HLF: variants seen among roughly 807,000 people sequenced by gnomAD.
HLF encodes hepatic leukemia factor.
Under a neutral mutation model 22.6 loss-of-function variants are expected in HLF, and 3 were observed. The observed-to-expected ratio is 0.13, with a 90% CI of 0.06 to 0.34. The LOEUF (loss-of-function observed/expected upper bound fraction) is 0.34, where lower values mean the gene tolerates loss of function less well. Ranked by LOEUF, HLF falls within the 10% of genes least tolerant of loss-of-function variation. HLF has a pLI of 1.00. For missense variants in HLF, 299 were observed against 389.2 expected (o/e 0.77, Z 1.95); for synonymous variants, 151 against 151.8 (o/e 0.99, Z 0.04).
chr17:55,304,935 C>G (rs1904473590), intron 2 of HLF, among the ~76,000 whole-genome samples: 1 of 152,258 alleles, frequency 6.6e-6, no homozygotes, highest in Non-Finnish European at 1.5e-5. Context: ...TTCTGATGAA[C>G]TGAGCTACCT....
chr17:55,279,240 T>C (rs1370222069), intron 2 of HLF, among the ~76,000 whole-genome samples: 1 of 152,196 alleles, frequency 6.6e-6, no homozygotes, highest in Non-Finnish European at 1.5e-5. Context: ...TATTTAGTTA[T>C]TGGCTTCCTG....
rs992794431 is a variant in HLF at position 55,321,200 on chromosome 17, C to G, written c.*321C>G. ...CCCTCTCGCGGGTCTCCCATCCCCT[C>G]CCTCCTTCACTCCTGCCTCCTCAGC... On this transcript the variant is annotated 3_prime_UTR_variant, in exon 4 of 4. Coordinates refer to ENST00000226067, the MANE Select transcript of HLF (RefSeq NM_002126.5). 6.5e-6 allele frequency: 2 copies of G among 307,518 alleles called. No homozygotes were observed. The highest frequency in any genetic ancestry group is 9.1e-5 in the Admixed American group (2 of 21,956). The allele number at this position is 307,518 out of a possible 1,614,324, so 19.0% of individuals were successfully genotyped here.
chr17:55,289,004 T>C, intron 2 of HLF: 1 of 908,160 alleles, frequency 1.1e-6, no homozygotes, highest in Non-Finnish European at 1.3e-6. Context: ...AAGCTCCATG[T>C]TGGGTGTGGG....
At chr17:55,290,176 T>C (rs1388566144) in intron 2 of HLF, among the ~76,000 whole-genome samples, 1 of 152,214 alleles carries the variant, frequency 6.6e-6, no homozygotes, top group African/African-American at 2.4e-5. Flanking sequence ...CTGTACTCTA[T>C]GGAAAACAGT....
intron 2 of HLF, among the ~76,000 whole-genome samples, chr17:55,279,698 A>G (rs1474256573): frequency 6.6e-6 from 1 of 152,218 alleles, no homozygotes; most frequent in Non-Finnish European, 1.5e-5. Context: ...AACTGTGTAT[A>G]TATAAATTAA....
At chr17:55,307,666 C>T (rs1028746467) in intron 2 of HLF, among the ~76,000 whole-genome samples, 12 of 152,094 alleles carry the variant, frequency 7.9e-5, no homozygotes, top group African/African-American at 2.7e-4. Flanking sequence ...TGTCCAGCTG[C>T]TCAGTAGCTC....
chr17:55,265,522 C>G lies in HLF; in HGVS notation c.38C>G (p.Thr13Ser). The G allele has an allele frequency of 6.2e-7, 1 of 1,609,952 alleles. No homozygotes were observed. The part of the protein sequence containing the change: ...KMSRPLPLNP[T>S]FIPPPYGVLR... ...TCCCGACCGCTCCCCCTGAATCCCA[C>G]CTTTATCCCGCCTCCCTACGGCGTG... The change falls in exon 1 of 4, where the codon ACC becomes AGC. Residue 13 changes from threonine (T) to serine (S), a missense_variant. By Grantham distance (58) the Thr-to-Ser change is moderately conservative. Transcript: ENST00000226067.
chr17:55,287,467 C>A (rs540149394), intron 2 of HLF, among the ~76,000 whole-genome samples: 6 of 152,156 alleles, frequency 3.9e-5, no homozygotes, highest in Non-Finnish European at 7.4e-5. Context: ...CATAACAACA[C>A]CATAAGGCAT....
rs572437299 is a variant in HLF, at chr17:55,290,249, G to A, written c.451+22163G>A. ...TATGACCCAGCAGTGCCACTGCTGG[G>A]TGTACAGCTGTACTTCGTTTTATCG... On this transcript the variant is annotated intron_variant, in intron 2 of 3. Transcript: ENST00000226067. 1.2e-3 allele frequency among the ~76,000 whole-genome samples: 181 copies of A among 152,280 alleles called. 1 individual carries two copies. Among genetic ancestry groups the A allele is most frequent in the African/African-American group, 4.2e-3 (176 of 41,558 alleles).
At chr17:55,270,729 C>T (rs2080845424) in intron 2 of HLF, among the ~76,000 whole-genome samples, 2 of 145,740 alleles carry the variant, frequency 1.4e-5, no homozygotes, top group African/African-American at 2.6e-5. Flanking sequence ...GGCGCGATCT[C>T]AGCTCACTGC....
chr17:55,283,598 T>C (rs1263286691), intron 2 of HLF: 3 of 152,216 alleles, frequency 2.0e-5, no homozygotes, highest in Non-Finnish European at 4.4e-5. Flanking sequence ...CTTATTCTGA[T>C]TAGCTTAACA....
At chr17:55,284,237 T>C (rs939610536) in intron 2 of HLF, among the ~76,000 whole-genome samples, 2 of 152,324 alleles carry the variant, frequency 1.3e-5, no homozygotes, top group South Asian at 2.1e-4. Context: ...CAGTTGCAAT[T>C]TGTTGAGCAC....
chr17:55,273,875 T>A (rs2080879922), intron 2 of HLF, among the ~76,000 whole-genome samples: 1 of 152,100 alleles, frequency 6.6e-6, no homozygotes, highest in Admixed American at 6.5e-5. Context: ...GGAGGGCAGT[T>A]CAGATGCCAG....
intron 1 of HLF, among the ~76,000 whole-genome samples, chr17:55,266,559 T>C (rs1190801075): frequency 1.3e-5 from 2 of 152,226 alleles, no homozygotes; most frequent in Non-Finnish European, 2.9e-5. Context: ...ACCTGTTGCA[T>C]TGCAAGAGTT....
Position 55,278,208 on chromosome 17 carries a change from A to C in HLF, c.451+10122A>C, listed in dbSNP as rs891286398. 2.0e-5 allele frequency among the ~76,000 whole-genome samples: 3 copies of C among 152,372 alleles called. No individual in the cohort carries two copies. The South Asian group carries it at 6.2e-4, about 32-fold the overall frequency. The stretch of plus-strand genomic sequence containing the variant: ...CCTGGGAGACCCTAGATTCCTAAAA[A>C]CAATGAGTGCATGCTACAGAAAGAT... On this transcript the variant is annotated intron_variant, in intron 2 of 3. Transcript: ENST00000226067.
At chr17:55,316,871 G>T (rs747389216) in intron 3 of HLF, among the ~76,000 whole-genome samples, 5 of 151,978 alleles carry the variant, frequency 3.3e-5, no homozygotes, top group Non-Finnish European at 7.4e-5. Context: ...TAAAAAAGGG[G>T]CACCATGGGC....
chr17:55,312,343 T>C (rs1421598770), intron 2 of HLF, among the ~76,000 whole-genome samples: 1 of 152,254 alleles, frequency 6.6e-6, no homozygotes, highest in Non-Finnish European at 1.5e-5. Flanking sequence ...TTCTTGACTT[T>C]TTAATAGCCA....
intron 2 of HLF, chr17:55,284,180 A>C (rs527610690): frequency 6.6e-6 from 1 of 152,318 alleles, no homozygotes; most frequent in South Asian, 2.1e-4. Flanking sequence ...GAGCCCTTCC[A>C]GCCTCCTAAC....
At chr17:55,293,440 C>T (rs1334830889) in intron 2 of HLF, among the ~76,000 whole-genome samples, 2 of 152,108 alleles carry the variant, frequency 1.3e-5, no homozygotes, top group Non-Finnish European at 2.9e-5. Flanking sequence ...CAGCTAAGCA[C>T]CAAGTTTTCT....
Sources: gnomAD v4.1 joint callset for allele counts (sites outside exome capture counted in the v4.1 genomes callset) on GRCh38, gnomAD v4.1.1 for gene constraint, MANE v1.5 for transcripts, NCBI Gene and HGNC (gene_info 2026-07-23, HGNC 2026-07-21) for gene names.